SKIC3: variants seen among roughly 807,000 people sequenced by gnomAD.
SKIC3 encodes SKI3 subunit of superkiller complex, also known as superkiller complex protein 3.
chr5:95,523,197 C>T, the SKIC3 span: 1 of 1,613,654 alleles, frequency 6.2e-7, no homozygotes, highest in Middle Eastern at 1.7e-4. Context: ...AATAAGGTGC[C>T]TTACTCAGCC....
the SKIC3 span, among the ~76,000 whole-genome samples, chr5:95,488,365 G>A: frequency 6.6e-6 from 1 of 152,132 alleles, no homozygotes; most frequent in Admixed American, 6.6e-5. Context: ...TCCAAAAGAT[G>A]TTCTCCATGG....
chr5:95,464,351 T>C, the SKIC3 span: 1 of 425,094 alleles, frequency 2.4e-6, no homozygotes, highest in South Asian at 2.4e-5. Flanking sequence ...TTACAAATAA[T>C]GTTAAGCAAC....
the SKIC3 span, chr5:95,516,423 C>T: frequency 3.3e-5 from 54 of 1,612,790 alleles, no homozygotes; most frequent in Non-Finnish European, 4.3e-5. Context: ...AAAAACATAA[C>T]ATTTTTTTTC....
the SKIC3 span, among the ~76,000 whole-genome samples, chr5:95,554,226 C>G: frequency 6.6e-6 from 1 of 151,678 alleles, no homozygotes; most frequent in Non-Finnish European, 1.5e-5. Flanking sequence ...CAAAAAAAAA[C>G]CTGCCAGATA....
chr5:95,470,827 T>C, the SKIC3 span, among the ~76,000 whole-genome samples: 16 of 152,136 alleles, frequency 1.1e-4, no homozygotes, highest in African/African-American at 3.9e-4. Context: ...AAGGTAAGTA[T>C]TTCTGAAGAA....
the SKIC3 span, among the ~76,000 whole-genome samples, chr5:95,465,925 G>A: frequency 8.5e-5 from 13 of 152,180 alleles, no homozygotes; most frequent in African/African-American, 3.1e-4. Context: ...ATTTAGAAAT[G>A]CAAGAGATCC....
chr5:95,520,109 C>G, the SKIC3 span, among the ~76,000 whole-genome samples: 2 of 152,106 alleles, frequency 1.3e-5, no homozygotes, highest in African/African-American at 4.8e-5. Flanking sequence ...GTACATCTAA[C>G]TTGTGGACTT....
the SKIC3 span, among the ~76,000 whole-genome samples, chr5:95,530,774 A>G: frequency 6.6e-6 from 1 of 152,222 alleles, no homozygotes; most frequent in African/African-American, 2.4e-5. Context: ...CTTTTTCTAT[A>G]TAAGTGAATT....
At chr5:95,542,675 C>T in the SKIC3 span, among the ~76,000 whole-genome samples, 1 of 152,266 alleles carries the variant, frequency 6.6e-6, no homozygotes, top group African/African-American at 2.4e-5. Flanking sequence ...GGGCCTACTA[C>T]ATCGTATTAA....
the SKIC3 span, among the ~76,000 whole-genome samples, chr5:95,535,906 C>G: frequency 6.6e-6 from 1 of 152,022 alleles, no homozygotes; most frequent in Non-Finnish European, 1.5e-5. Context: ...CACTGGTGTA[C>G]GTACTAATAT....
chr5:95,506,927 C>T, the SKIC3 span: 138 of 1,612,742 alleles, frequency 8.6e-5, no homozygotes, highest in East Asian at 1.0e-3. Flanking sequence ...AGAAAAAATA[C>T]GCTTACCATA....
At chr5:95,524,883 AT>A in the SKIC3 span, among the ~76,000 whole-genome samples, 21 of 148,516 alleles carry the variant, frequency 1.4e-4, no homozygotes, top group Admixed American at 2.7e-4. Context: ...AGCTGATTAG[AT>A]TTTTTTTTTT....
the SKIC3 span, chr5:95,503,890 G>A: frequency 6.2e-7 from 1 of 1,613,840 alleles, no homozygotes; most frequent in East Asian, 2.2e-5. Flanking sequence ...ACACTTCAAG[G>A]GGTGTTGACT....
the SKIC3 span, among the ~76,000 whole-genome samples, chr5:95,511,862 G>C: frequency 1.1e-4 from 17 of 152,174 alleles, no homozygotes; most frequent in Non-Finnish European, 1.5e-5. Flanking sequence ...CTACTAAGTG[G>C]TGGAGCAGAG....
chr5:95,536,045 A>T, the SKIC3 span, among the ~76,000 whole-genome samples: 1 of 152,132 alleles, frequency 6.6e-6, no homozygotes, highest in Non-Finnish European at 1.5e-5. Context: ...TGGTGGAAAA[A>T]CCAATACAGC....
the SKIC3 span, among the ~76,000 whole-genome samples, chr5:95,552,140 G>A: frequency 1.3e-5 from 2 of 152,090 alleles, no homozygotes; most frequent in African/African-American, 4.8e-5. Context: ...GCATTTTGAC[G>A]TACAATATTT....
the SKIC3 span, among the ~76,000 whole-genome samples, chr5:95,511,108 T>C: frequency 6.6e-6 from 1 of 152,068 alleles, no homozygotes; most frequent in African/African-American, 2.4e-5. Flanking sequence ...GTCAACAAAA[T>C]TGAGTCATAA....
At chr5:95,537,946 A>G in the SKIC3 span, among the ~76,000 whole-genome samples, 1 of 152,210 alleles carries the variant, frequency 6.6e-6, no homozygotes, top group Non-Finnish European at 1.5e-5. Flanking sequence ...CAATCTTACA[A>G]AGAAGGAACA....
the SKIC3 span, among the ~76,000 whole-genome samples, chr5:95,502,624 T>C: frequency 4.6e-5 from 7 of 152,158 alleles, no homozygotes; most frequent in African/African-American, 1.7e-4. Flanking sequence ...TATCAGGTGA[T>C]CAGTTTCTCT....
Sources: allele counts gnomAD v4.1 joint callset (sites outside exome capture counted in the v4.1 genomes callset), GRCh38; gene constraint gnomAD v4.1.1; transcripts MANE v1.5; gene names NCBI Gene and HGNC (gene_info 2026-07-23, HGNC 2026-07-21).